VAPB: variants seen among roughly 807,000 people sequenced by gnomAD.
VAPB encodes vesicle-associated membrane protein-associated protein B/C.
VAPB carries 7 observed loss-of-function variants against 25.6 expected under a neutral mutation model. That is an observed-to-expected ratio of 0.27 (90% CI 0.16 to 0.51). The LOEUF (loss-of-function observed/expected upper bound fraction) is 0.51, where lower values mean the gene tolerates loss of function less well. Among genes scored for constraint, VAPB ranks in the 20% least tolerant of loss-of-function variants. The pLI, the probability that VAPB is intolerant of heterozygous loss-of-function variation, is 0.97. For missense variants in VAPB, 266 were observed against 301.3 expected (o/e 0.88, Z 0.87); for synonymous variants, 112 against 109.2 (o/e 1.03, Z -0.16).
chr20:58,402,130 A>G (rs1418274621), intron 1 of VAPB, among the ~76,000 whole-genome samples: 1 of 152,214 alleles, frequency 6.6e-6, no homozygotes, highest in African/African-American at 2.4e-5. Context: ...CTGTTGCCAA[A>G]AATAAAGTTT....
At chr20:58,426,510 G>T (rs1395360333) in intron 2 of VAPB, among the ~76,000 whole-genome samples, 6 of 152,168 alleles carry the variant, frequency 3.9e-5, no homozygotes, top group African/African-American at 1.2e-4. Context: ...AGCATCACTG[G>T]GTGTAAGGAC....
intron 1 of VAPB, among the ~76,000 whole-genome samples, chr20:58,409,603 G>A (rs1988322904): frequency 6.6e-6 from 1 of 152,100 alleles, no homozygotes; most frequent in Admixed American, 6.5e-5. Context: ...GAGAGATACT[G>A]TACCTAATTT....
chr20:58,403,378 C>T (rs1988146794), intron 1 of VAPB, among the ~76,000 whole-genome samples: 1 of 152,160 alleles, frequency 6.6e-6, no homozygotes, highest in African/African-American at 2.4e-5. Flanking sequence ...TTAAGTTGCC[C>T]CTTCCTAAAA....
chr20:58,396,061 G>T (rs1021438914), intron 1 of VAPB, among the ~76,000 whole-genome samples: 16 of 152,162 alleles, frequency 1.1e-4, no homozygotes, highest in African/African-American at 3.9e-4. Flanking sequence ...GGGTTTGGGG[G>T]TTGGGAAGCA....
chr20:58,393,970 G>A (rs1306299156), intron 1 of VAPB, among the ~76,000 whole-genome samples: 2 of 152,170 alleles, frequency 1.3e-5, no homozygotes, highest in Non-Finnish European at 2.9e-5. Context: ...GACCTCAGGT[G>A]ATCCACCCAC....
chr20:58,433,793 A>G (rs1988979695), intron 2 of VAPB, among the ~76,000 whole-genome samples: 1 of 152,240 alleles, frequency 6.6e-6, no homozygotes, highest in African/African-American at 2.4e-5. Context: ...AGGCCACAGT[A>G]GGCTTTCCCT....
At chr20:58,426,888 AGT>A (rs1194776524) in intron 2 of VAPB, among the ~76,000 whole-genome samples, 1 of 152,244 alleles carries the variant, frequency 6.6e-6, no homozygotes, top group Non-Finnish European at 1.5e-5. Flanking sequence ...ATTAAAAAAA[AGT>A]GAAGCATGTG....
intron 2 of VAPB, among the ~76,000 whole-genome samples, chr20:58,426,233 G>A (rs910372093): frequency 6.6e-6 from 1 of 152,094 alleles, no homozygotes; most frequent in Non-Finnish European, 1.5e-5. Flanking sequence ...GGGTCTTGCT[G>A]TGCTGTCTAG....
chr20:58,426,989 G>A (rs138725455), intron 2 of VAPB, among the ~76,000 whole-genome samples: 8,617 of 152,050 alleles, frequency 0.057, 380 homozygotes, highest in Non-Finnish European at 0.084. Flanking sequence ...TGATGCAGGC[G>A]AAAGTGATCT....
intron 1 of VAPB, among the ~76,000 whole-genome samples, chr20:58,417,325 A>G (rs757504636): frequency 6.6e-6 from 1 of 152,224 alleles, no homozygotes; most frequent in African/African-American, 2.4e-5. Flanking sequence ...GTGTGTATGT[A>G]TTGTTTGTGT....
At chr20:58,430,990 T>C (rs1204602048) in intron 2 of VAPB, 1 of 152,270 alleles carries the variant, frequency 6.6e-6, no homozygotes, top group African/African-American at 2.4e-5. Context: ...GAAAAACTGC[T>C]GTCACCACAG....
chr20:58,409,079 A>G lies in VAPB; in HGVS notation c.59-9132A>G, dbSNP rs1053738387. 2.0e-5 allele frequency among the ~76,000 whole-genome samples: 3 copies of G among 152,188 alleles called. No homozygotes were observed. In the East Asian group the frequency reaches 5.8e-4, roughly 29 times the overall value. On this transcript the variant is annotated intron_variant, in intron 1 of 5. Coordinates refer to ENST00000475243, the MANE Select transcript of VAPB (RefSeq NM_004738.5). ...GAGGAAGAATACAGCCATTGTGTGA[A>G]GTAGATGGAAGCATGGCATGGCTAT... is the stretch of plus-strand genomic sequence containing the variant.
At chr20:58,438,180 G>A (rs940087716) in intron 3 of VAPB, among the ~76,000 whole-genome samples, 3 of 152,190 alleles carry the variant, frequency 2.0e-5, no homozygotes, top group South Asian at 2.1e-4. Context: ...AATGTGTTCC[G>A]TTGGTAGTTG....
Position 58,446,551 on chromosome 20 carries a change from A to C in VAPB, c.*2316A>C, listed in dbSNP as rs1199729298. 2.2e-6 allele frequency: 1 copy of C among 454,020 alleles called. No individual in the cohort carries two copies. The highest frequency in any genetic ancestry group is 2.3e-5 in the Admixed American group (1 of 42,556). The allele number at this position is 454,020 out of a possible 1,614,324, so 28.1% of individuals were successfully genotyped here. On this transcript the variant is annotated 3_prime_UTR_variant, in exon 6 of 6. Coordinates refer to ENST00000475243, the MANE Select transcript of VAPB (RefSeq NM_004738.5). Reference sequence around the variant, plus strand: ...ACAGTTCTTAAAAAGAATATCTGAGAAACTACTCTGTTTTAGACCTTTGAA... The same window carrying C: ...ACAGTTCTTAAAAAGAATATCTGAGCAACTACTCTGTTTTAGACCTTTGAA...
intron 1 of VAPB, among the ~76,000 whole-genome samples, chr20:58,414,669 C>T (rs1205565736): frequency 6.6e-5 from 10 of 151,942 alleles, no homozygotes; most frequent in South Asian, 6.3e-4. Flanking sequence ...GATGTGATGG[C>T]GGCCGGAAAG....
intron 1 of VAPB, among the ~76,000 whole-genome samples, chr20:58,390,620 C>T (rs1987771814): frequency 2.0e-5 from 3 of 152,140 alleles, no homozygotes; most frequent in Admixed American, 2.0e-4. Flanking sequence ...AACAGTCTGA[C>T]TCCATGGAAG....
chr20:58,394,950 A>T (rs1987910708), intron 1 of VAPB, among the ~76,000 whole-genome samples: 1 of 152,224 alleles, frequency 6.6e-6, no homozygotes, highest in Admixed American at 6.5e-5. Flanking sequence ...TGTATTTATT[A>T]AAATTGTATG....
At chr20:58,391,409 C>T (rs1363573420) in intron 1 of VAPB, among the ~76,000 whole-genome samples, 1 of 151,998 alleles carries the variant, frequency 6.6e-6, no homozygotes, top group African/African-American at 2.4e-5. Flanking sequence ...CATTTGAGCT[C>T]AGTTATAAAG....
intron 4 of VAPB, chr20:58,440,238 T>C (rs1450305048): frequency 6.6e-6 from 1 of 152,476 alleles, no homozygotes; most frequent in East Asian, 1.9e-4. Flanking sequence ...ATCTGGAAAA[T>C]GATGGGTAGA....
Sources: allele counts gnomAD v4.1 joint callset (sites outside exome capture counted in the v4.1 genomes callset), GRCh38; gene constraint gnomAD v4.1.1; transcripts MANE v1.5; gene names NCBI Gene and HGNC (gene_info 2026-07-23, HGNC 2026-07-21).